The following RFX8 variants were observed in gnomAD, a reference collection of about 807,000 sequenced individuals.
The protein encoded by RFX8 is regulatory factor X8, also known as DNA-binding protein RFX8.
A neutral mutation model predicts 54.6 loss-of-function variants in RFX8; 46 were observed. The ratio of observed to expected loss-of-function variants is 0.84; its 90% CI spans 0.67 to 1.08. The LOEUF (loss-of-function observed/expected upper bound fraction) is 1.08, where lower values mean the gene tolerates loss of function less well. Among genes scored for constraint, RFX8 ranks in the 50% least tolerant of loss-of-function variants. RFX8 has a pLI of 0.00. For missense variants in RFX8, 536 were observed against 562.3 expected (o/e 0.95, Z 0.47); for synonymous variants, 192 against 209.5 (o/e 0.92, Z 0.72).
Position 101,425,060 on chromosome 2 carries a change from T to G in RFX8, c.73-2588A>C, listed in dbSNP as rs184615949. ...AACAGAAAAAAAAAAGAAGATGGGT[T>G]TTCTTGTATGTGGGTATGGGTGATG... On this transcript the variant is annotated intron_variant, in intron 2 of 11. Transcript: ENST00000428343. Among the ~76,000 whole-genome samples the G allele has an allele frequency of 6.0e-3, 916 of 151,904 alleles. 8 individuals are homozygous for G. Among genetic ancestry groups the G allele is most frequent in the African/African-American group, 0.021 (890 of 41,426 alleles).
rs1285455805 is a variant in RFX8 at position 101,410,712 on chromosome 2, AC to A, written c.719del (p.Cys240PhefsTer2). 6.8e-6 allele frequency: 10 copies of A among 1,467,654 alleles called. No homozygotes were observed. The Admixed American group carries it at 2.0e-4, about 29-fold the overall frequency. 90.9% of individuals were successfully genotyped at this position (1,467,654 alleles called of 1,614,324 possible). A position where few individuals can be genotyped will look rare whatever the true frequency, so the allele number is the denominator to read the frequency against. ...CCAGCAAAGAAATTAAGTTTCTTAA[AC>A]CTACAAAGACACAAAATAAACAAAC... is the stretch of plus-strand genomic sequence containing the variant. ...DELENNPEMK[C>X]LRNLISLLGT... On this transcript the variant is annotated frameshift_variant and splice_region_variant, in exon 9 of 12. Coordinates refer to ENST00000428343, the MANE Select transcript of RFX8 (RefSeq NM_001145664.2). LOFTEE classifies it high-confidence loss of function.
intron 2 of RFX8, among the ~76,000 whole-genome samples, chr2:101,464,152 T>C (rs1357334766): frequency 3.9e-5 from 6 of 152,222 alleles, no homozygotes; most frequent in Admixed American, 3.9e-4. Context: ...TGAGTGAGTG[T>C]GCATGTCTGC....
Position 101,397,661 on chromosome 2 carries a change from C to T in RFX8, c.1309G>A (p.Gly437Arg). Residue 437 changes from glycine to arginine, a missense_variant, in exon 12 of 12, where the codon GGA (glycine) becomes AGA (arginine). By Grantham distance (125) the Gly-to-Arg change is moderately radical (BLOSUM62 -2). Coordinates refer to ENST00000428343, the MANE Select transcript of RFX8 (RefSeq NM_001145664.2). ...ESAVKLSLPM[G>R]QEALITLKDG... is the part of the protein sequence containing the mutation. The stretch of plus-strand genomic sequence containing the variant: ...TTTAGGGTTATGAGGGCTTCTTGTC[C>T]CATAGGAAGGCTGAGTTTAACTGCG... 6.4e-7 allele frequency: 1 copy of T among 1,551,138 alleles called. No homozygotes were observed. The highest frequency in any genetic ancestry group is 2.0e-5 in the Admixed American group (1 of 50,938).
rs1222667898 is a variant in RFX8 at position 101,406,037 on chromosome 2, C to T, written c.834G>A (p.Glu278=). The T allele has an allele frequency of 1.3e-6, 2 of 1,544,514 alleles. No homozygotes were observed. The highest frequency in any genetic ancestry group is 1.7e-6 in the Non-Finnish European group (2 of 1,143,880). ...FVFQTSRSKE[E]FTKLAASFQL... is the part of the protein sequence containing the mutation. ...GGAAGCTGGCGGCCAATTTGGTAAA[C>T]TCTTCTTTGCTTCTGCTTGTCTGTT... is the stretch of plus-strand genomic sequence containing the variant. The change falls in exon 10 of 12, where the codon GAG becomes GAA. Residue 278 remains glutamate (E), a synonymous_variant. Coordinates refer to ENST00000428343, the MANE Select transcript of RFX8 (RefSeq NM_001145664.2).
In RFX8 at chr2:101,458,224, T is replaced by C. The variant is rs554425486; in HGVS notation, c.72+8553A>G. ...AGTCCATTTACATTTAAGGTTAATA[T>C]TGTTATGTGTGAATTTGATCCTGTC... On this transcript the variant is annotated intron_variant, in intron 2 of 11. Transcript: ENST00000428343. Among the ~76,000 whole-genome samples the C allele has an allele frequency of 4.6e-5, 7 of 152,308 alleles. 1 individual carries two copies. In the East Asian group the frequency reaches 7.7e-4, roughly 17 times the overall value.
intron 2 of RFX8, among the ~76,000 whole-genome samples, chr2:101,466,028 A>G (rs1176416548): frequency 1.3e-5 from 2 of 152,238 alleles, no homozygotes; most frequent in East Asian, 3.8e-4. Context: ...ACAAATGAAC[A>G]GAAGTTTCAA....
Position 101,414,885 on chromosome 2 carries a change from C to T in RFX8, c.530G>A (p.Arg177Lys). The T allele has an allele frequency of 6.4e-7, 1 of 1,550,586 alleles. No individual in the cohort carries two copies. The highest frequency in any genetic ancestry group is 8.7e-7 in the Non-Finnish European group (1 of 1,146,510). ...KEVTLFVKRL[R>K]RKTYLSNMAK... ...CATGTTGGAAAGGTACGTCTTTCTT[C>T]TTAGTCTTTTGACAAATAGAGTAAC... Residue 177 changes from arginine to lysine, a missense_variant, in exon 7 of 12, where the codon AGA (arginine) becomes AAA (lysine). Arg to Lys is a conservative substitution (Grantham distance 26). Transcript: ENST00000428343.
chr2:101,445,797 A>G (rs1471259779), intron 2 of RFX8, among the ~76,000 whole-genome samples: 1 of 152,070 alleles, frequency 6.6e-6, no homozygotes, highest in East Asian at 1.9e-4. Context: ...TATCTTATTC[A>G]CTGCTATATC....
chr2:101,422,490 AAT>A lies in RFX8; in HGVS notation c.73-20_73-19del, dbSNP rs1332304207. ...TCTTCACACTAAAAATCATTTGTGC[AAT>A]GGATTATGTCTTTAAAATACAATAC... On this transcript the variant is annotated intron_variant, in intron 2 of 11. Coordinates refer to ENST00000428343, the MANE Select transcript of RFX8 (RefSeq NM_001145664.2). The A allele has an allele frequency of 7.3e-7, 1 of 1,360,900 alleles. No homozygotes were observed. Among genetic ancestry groups the A allele is most frequent in the East Asian group, 2.5e-5 (1 of 40,090 alleles). 84.3% of individuals were successfully genotyped at this position (1,360,900 alleles called of 1,614,324 possible). A position where few individuals can be genotyped will look rare whatever the true frequency, so the allele number is the denominator to read the frequency against.
chr2:101,407,556 G>A (rs180943458), intron 9 of RFX8, among the ~76,000 whole-genome samples: 1 of 152,318 alleles, frequency 6.6e-6, no homozygotes, highest in Non-Finnish European at 1.5e-5. Flanking sequence ...GCTGGGCAGG[G>A]TGGCACACGC....
intron 2 of RFX8, among the ~76,000 whole-genome samples, chr2:101,446,032 C>T (rs1051143888): frequency 2.7e-5 from 4 of 147,480 alleles, no homozygotes; most frequent in Non-Finnish European, 4.5e-5. Flanking sequence ...CCATTTCTTA[C>T]ACTTGTGCTT....
rs192509618 is a variant in RFX8 at position 101,441,426 on chromosome 2, A to C, written c.73-18954T>G. Among the ~76,000 whole-genome samples, 15 of 152,244 alleles carry C rather than the reference A, an allele frequency of 9.9e-5. No individual in the cohort carries two copies. The East Asian group carries it at 2.9e-3, about 29-fold the overall frequency. ...GAGACTGGTGGCTTTGTAAAAGAGGAAGAGACCTGAGCCAGCACACTCAGC... is the reference window on the plus strand; with the variant it reads ...GAGACTGGTGGCTTTGTAAAAGAGGCAGAGACCTGAGCCAGCACACTCAGC... On this transcript the variant is annotated intron_variant, in intron 2 of 11. Coordinates refer to ENST00000428343, the MANE Select transcript of RFX8 (RefSeq NM_001145664.2).
At chr2:101,433,242 C>G (rs1189281962) in intron 2 of RFX8, among the ~76,000 whole-genome samples, 1 of 152,176 alleles carries the variant, frequency 6.6e-6, no homozygotes, top group Non-Finnish European at 1.5e-5. Context: ...CCCCCAAGAC[C>G]TTTTCCAGCT....
In RFX8 at chr2:101,465,018, T is replaced by G. The variant is rs765806489; in HGVS notation, c.72+1759A>C. Among the ~76,000 whole-genome samples the G allele has an allele frequency of 3.9e-5, 6 of 152,046 alleles. No homozygotes were observed. The South Asian group carries it at 1.2e-3, about 31-fold the overall frequency. On this transcript the variant is annotated intron_variant, in intron 2 of 11. Coordinates refer to ENST00000428343, the MANE Select transcript of RFX8 (RefSeq NM_001145664.2). The stretch of plus-strand genomic sequence containing the variant: ...AGCCTTGGATGATGTTTGCCAATAT[T>G]TGGAGTGATGAAATGGCAAAATATG...
At chr2:101,451,343 A>G (rs1558880339) in intron 2 of RFX8, among the ~76,000 whole-genome samples, 1 of 152,128 alleles carries the variant, frequency 6.6e-6, no homozygotes, top group Non-Finnish European at 1.5e-5. Context: ...ATTGAGTGAC[A>G]ATTATGACAC....
chr2:101,456,668 A>AT (rs1409320709), intron 2 of RFX8, among the ~76,000 whole-genome samples: 1 of 152,094 alleles, frequency 6.6e-6, no homozygotes, highest in Non-Finnish European at 1.5e-5. Flanking sequence ...TTGGTCTAAA[A>AT]TTCTCTTTTT....
intron 9 of RFX8, among the ~76,000 whole-genome samples, chr2:101,409,729 A>G (rs2104539939): frequency 6.6e-6 from 1 of 152,030 alleles, no homozygotes; most frequent in Middle Eastern, 3.4e-3. Context: ...TGAACTCCTG[A>G]CCTCATGTGA....
In RFX8 at chr2:101,412,916, T is replaced by C; in HGVS notation, c.717A>G (p.Lys239=). 6.5e-7 allele frequency: 1 copy of C among 1,548,134 alleles called. No homozygotes were observed. Among genetic ancestry groups the C allele is most frequent in the Non-Finnish European group, 8.7e-7 (1 of 1,145,492 alleles). The change falls in exon 8 of 12, where the codon AAA becomes AAG. Residue 239 remains lysine (K), a splice_region_variant and synonymous_variant. Transcript: ENST00000428343. The part of the protein sequence containing the change: ...ADELENNPEM[K]CLRNLISLLG... Reference sequence around the variant, plus strand: ...AGCAAGCTGCAGAAGGAAGATTACATTTCATCTCTGGGTTGTTCTCCAGTT... The same window carrying C: ...AGCAAGCTGCAGAAGGAAGATTACACTTCATCTCTGGGTTGTTCTCCAGTT...
intron 2 of RFX8, among the ~76,000 whole-genome samples, chr2:101,447,591 A>T (rs1452325914): frequency 3.3e-5 from 5 of 152,170 alleles, no homozygotes; most frequent in African/African-American, 1.2e-4. Flanking sequence ...TTAAACACTT[A>T]TTATTTCTTT....
Sources: allele counts gnomAD v4.1 joint callset (sites outside exome capture counted in the v4.1 genomes callset), GRCh38; gene constraint gnomAD v4.1.1; transcripts MANE v1.5; gene names NCBI Gene and HGNC (gene_info 2026-07-23, HGNC 2026-07-21).